Variants in GADL1 observed in about 807,000 individuals in gnomAD.
GADL1 encodes GAD like acidic amino acid decarboxylase 1, also known as acidic amino acid decarboxylase GADL1.
A neutral mutation model predicts 69.5 loss-of-function variants in GADL1; 71 were observed. The observed-to-expected ratio is 1.02, with a 90% CI of 0.84 to 1.25. The LOEUF (loss-of-function observed/expected upper bound fraction) is 1.25. Among genes scored for constraint, GADL1 ranks in the 50% most tolerant of loss-of-function variants. GADL1 has a pLI of 0.00. For synonymous variants in GADL1, 254 were observed against 214.4 expected, an observed-to-expected ratio of 1.18 and a Z score of -1.62; for missense variants, 737 against 631.8, an observed-to-expected ratio of 1.17 and a Z score of -1.79.
Position 30,861,726 on chromosome 3 carries a change from T to G in GADL1, c.77A>C (p.Asn26Thr), listed in dbSNP as rs1698324016. The G allele has an allele frequency of 1.9e-6, 3 of 1,548,084 alleles. No homozygotes were observed. The highest frequency in any genetic ancestry group is 2.6e-6 in the Non-Finnish European group (3 of 1,145,162). The change falls in exon 2 of 15, where the codon AAT (asparagine) becomes ACT (threonine). Residue 26 changes from asparagine to threonine, a missense_variant. Physicochemically the swap from Asn to Thr is moderately conservative, Grantham distance 65. Transcript: ENST00000282538. ...CACAACCCCATCCACAAGAACAGCA[T>G]TCTTCTTACTTGGAATCATCTCTTG... ...DQQEMIPSKK[N>T]AVLVDGVVLN...
At chr3:30,759,654 T>TG (rs2125484182) in intron 14 of GADL1, among the ~76,000 whole-genome samples, 1 of 152,224 alleles carries the variant, frequency 6.6e-6, no homozygotes, top group East Asian at 1.9e-4. Context: ...TTTTTAAAAG[T>TG]GACCATCTTT....
At chr3:30,851,539 T>G (rs1211982633) in intron 4 of GADL1, among the ~76,000 whole-genome samples, 2 of 152,162 alleles carry the variant, frequency 1.3e-5, no homozygotes, top group Non-Finnish European at 2.9e-5. Context: ...TGCTCCGGGC[T>G]GGAACGCTGT....
At chr3:30,745,673 T>A (rs763926564) in intron 14 of GADL1, among the ~76,000 whole-genome samples, 1 of 152,212 alleles carries the variant, frequency 6.6e-6, no homozygotes, top group Non-Finnish European at 1.5e-5. Context: ...ATAATTAGTG[T>A]CAAATGTGCT....
intron 14 of GADL1, among the ~76,000 whole-genome samples, chr3:30,728,655 C>G (rs909438687): frequency 5.3e-5 from 8 of 152,128 alleles, no homozygotes; most frequent in Admixed American, 4.6e-4. Flanking sequence ...TACTAATGTG[C>G]CCATTTATGG....
intron 14 of GADL1, among the ~76,000 whole-genome samples, chr3:30,777,251 T>TA (rs564268499): frequency 2.2e-3 from 323 of 147,918 alleles, no homozygotes; most frequent in South Asian, 5.4e-3. Flanking sequence ...AAATTGCTTT[T>TA]AAAAAAAAAA....
intron 11 of GADL1, among the ~76,000 whole-genome samples, chr3:30,820,275 T>C (rs1006841918): frequency 5.3e-5 from 8 of 151,992 alleles, no homozygotes; most frequent in Non-Finnish European, 1.2e-4. Flanking sequence ...TTCTCAAGAT[T>C]TATAAAGAAT....
At chr3:30,805,024 A>G (rs1009506948) in intron 11 of GADL1, among the ~76,000 whole-genome samples, 1 of 152,230 alleles carries the variant, frequency 6.6e-6, no homozygotes, top group Non-Finnish European at 1.5e-5. Context: ...AATGACAAGC[A>G]CAGAAACCAC....
intron 14 of GADL1, among the ~76,000 whole-genome samples, chr3:30,731,917 AGTT>A (rs1435140625): frequency 6.6e-6 from 1 of 152,214 alleles, no homozygotes; most frequent in Admixed American, 6.5e-5. Flanking sequence ...TGGTAGTAGT[AGTT>A]GTTGTTTTTA....
At chr3:30,809,835 G>A (rs965237964) in intron 11 of GADL1, among the ~76,000 whole-genome samples, 1 of 152,132 alleles carries the variant, frequency 6.6e-6, no homozygotes, top group Non-Finnish European at 1.5e-5. Context: ...AAAAATCATT[G>A]CATAACATTC....
Position 30,751,955 on chromosome 3 carries a change from TGAAAA to T in GADL1, c.1393-23545_1393-23541del, listed in dbSNP as rs570143634. 9.2e-5 allele frequency among the ~76,000 whole-genome samples: 14 copies of T among 152,032 alleles called. No homozygotes were observed. In the East Asian group the frequency reaches 1.4e-3, roughly 15 times the overall value. The stretch of plus-strand genomic sequence containing the variant: ...TGGCAAAGGGTAATGAGGCTGAAGA[TGAAAA>T]GAACAACAGCAAAGACTTACTGATG... On this transcript the variant is annotated intron_variant, in intron 14 of 14. Coordinates refer to ENST00000282538, the MANE Select transcript of GADL1 (RefSeq NM_207359.3).
chr3:30,755,537 G>A (rs9826899), intron 14 of GADL1, among the ~76,000 whole-genome samples: 14,215 of 152,142 alleles, frequency 0.093, 1,841 homozygotes, highest in African/African-American at 0.29. Flanking sequence ...GTCCTAGGAG[G>A]GCTATCTCCT....
At chr3:30,872,605 A>G (rs1575243513) in intron 1 of GADL1, among the ~76,000 whole-genome samples, 1 of 152,064 alleles carries the variant, frequency 6.6e-6, no homozygotes, top group East Asian at 1.9e-4. Context: ...CCCTTCCCCT[A>G]GGACATGGTC....
In GADL1 at chr3:30,728,242, C is replaced by T. The variant is rs768084449; in HGVS notation, c.1566G>A (p.Ter522=). Residue 522 remains the stop codon, a stop_retained_variant, in exon 15 of 15, where the codon TAG becomes TAA. Coordinates refer to ENST00000282538, the MANE Select transcript of GADL1 (RefSeq NM_207359.3). ...TGCCTCTGGGGGACCAAAGCCACAG[C>T]TACATGTCTTTACCCAGTAAGTCTA... The part of the protein sequence containing the change: ...DEIDLLGKDM[*] The T allele has an allele frequency of 4.3e-6, 7 of 1,613,112 alleles. No homozygotes were observed. The highest frequency in any genetic ancestry group is 5.9e-6 in the Non-Finnish European group (7 of 1,179,318).
intron 10 of GADL1, 42 bp from the exon 11 acceptor site, chr3:30,833,976 T>A: frequency 7.2e-7 from 1 of 1,397,938 alleles, no homozygotes; most frequent in South Asian, 1.2e-5. Context: ...GAGGACTCAA[T>A]TAGTTTCTAC....
At chr3:30,728,565 A>G (rs1695406332) in intron 14 of GADL1, 150 bp from the exon 15 acceptor site, 3 of 615,990 alleles carry the variant, frequency 4.9e-6, no homozygotes, top group South Asian at 2.0e-5. Context: ...AATAATAATA[A>G]TTTATGGAGG....
chr3:30,777,045 C>A (rs529852196), intron 14 of GADL1, among the ~76,000 whole-genome samples: 2 of 152,138 alleles, frequency 1.3e-5, no homozygotes, highest in African/African-American at 2.4e-5. Context: ...TCAGGTACTT[C>A]TTGGTTACCT....
intron 14 of GADL1, among the ~76,000 whole-genome samples, chr3:30,755,769 A>G (rs1204191425): frequency 1.3e-5 from 2 of 152,184 alleles, no homozygotes; most frequent in Non-Finnish European, 2.9e-5. Context: ...CAAAAGGCAA[A>G]TGTCTAGATA....
At chr3:30,733,126 T>C (rs918609338) in intron 14 of GADL1, among the ~76,000 whole-genome samples, 1 of 152,170 alleles carries the variant, frequency 6.6e-6, no homozygotes, top group Non-Finnish European at 1.5e-5. Flanking sequence ...TATAAACTAA[T>C]ACTTTAGTAA....
chr3:30,759,902 T>A (rs1175750677), intron 14 of GADL1, among the ~76,000 whole-genome samples: 1 of 152,180 alleles, frequency 6.6e-6, no homozygotes, highest in Non-Finnish European at 1.5e-5. Context: ...CAGGTGGACT[T>A]GTGCTCTATG....
Sources: gnomAD v4.1 joint callset for allele counts (sites outside exome capture counted in the v4.1 genomes callset) on GRCh38, gnomAD v4.1.1 for gene constraint, MANE v1.5 for transcripts, NCBI Gene and HGNC (gene_info 2026-07-23, HGNC 2026-07-21) for gene names.